EP300: variants seen among roughly 807,000 people sequenced by gnomAD.
EP300 encodes the protein EP300 lysine acetyltransferase.
In EP300, 31 loss-of-function variants were observed where a neutral mutation model predicts 264.0. The ratio of observed to expected loss-of-function variants is 0.12; its 90% CI spans 0.09 to 0.16. The LOEUF is 0.16. Ranked by LOEUF, EP300 falls within the 10% of genes least tolerant of loss-of-function variation. The probability of loss-of-function intolerance (pLI) is 1.00; values close to 1 mark genes in which losing one functional copy is unlikely to be tolerated. For missense variants in EP300, 2,766 were observed against 3,052.9 expected (o/e 0.91, Z 2.21); for synonymous variants, 1,340 against 1,045.4 (o/e 1.28, Z -5.44).
intron 8 of EP300, among the ~76,000 whole-genome samples, chr22:41,138,140 T>C (rs1357208157): frequency 2.6e-5 from 4 of 152,174 alleles, no homozygotes; most frequent in Non-Finnish European, 4.4e-5. Context: ...GATAACATCC[T>C]TTTCTGTTAC....
chr22:41,160,419 C>CAAA (rs35492332), intron 19 of EP300: 264 of 377,380 alleles, frequency 7.0e-4, no homozygotes, highest in South Asian at 5.1e-3. Flanking sequence ...GCTTTGATTG[C>CAAA]AAAAAAAAAA....
intron 1 of EP300, among the ~76,000 whole-genome samples, chr22:41,097,671 T>A (rs1194380109): frequency 6.6e-6 from 1 of 152,230 alleles, no homozygotes; most frequent in African/African-American, 2.4e-5. Flanking sequence ...GCTAGTTTTA[T>A]GTTTGTCCAG....
At chr22:41,158,355 C>A in intron 18 of EP300, 57 bp from the exon 19 acceptor site, 1 of 1,415,278 alleles carries the variant, frequency 7.1e-7, no homozygotes, top group Non-Finnish European at 1.0e-6. Flanking sequence ...GCCATTCTTA[C>A]TGTTCTAGCT....
Position 41,137,649 on chromosome 22 carries a change from G to T in EP300, c.1623-4G>T, listed in dbSNP as rs776364780. ...TAAAACTATTTGGTGACCCCTTTTT[G>T]AAGCCCAATGATGAGTGAAAATGCC... On this transcript the variant is annotated splice_region_variant and splice_polypyrimidine_tract_variant and intron_variant, in intron 7 of 30. Transcript: ENST00000263253. 6.2e-7 allele frequency: 1 copy of T among 1,611,798 alleles called. No homozygotes were observed. The highest frequency in any genetic ancestry group is 8.5e-7 in the Non-Finnish European group (1 of 1,179,368).
chr22:41,126,761 T>TTTTTTTTTTTTG (rs2058885138), intron 3 of EP300, among the ~76,000 whole-genome samples: 1 of 110,666 alleles, frequency 9.0e-6, no homozygotes, highest in African/African-American at 3.5e-5. Context: ...TTTTTTTTTT[T>TTTTTTTTTTTTG]GAGACGGAGT....
intron 2 of EP300, among the ~76,000 whole-genome samples, chr22:41,125,163 G>GGCT (rs2058874181): frequency 7.2e-6 from 1 of 139,730 alleles, no homozygotes; most frequent in Non-Finnish European, 1.5e-5. Context: ...CTGTCGCCCA[G>GGCT]GCTGGAGTGC....
rs1189099611 is a variant in EP300 at position 41,177,446 on chromosome 22, A to C, written c.5735A>C (p.Gln1912Pro). 3 of 1,614,074 alleles carry C rather than the reference A, an allele frequency of 1.9e-6. No individual in the cohort carries two copies. The highest frequency in any genetic ancestry group is 1.7e-6 in the Non-Finnish European group (2 of 1,180,004). ...CAGGTGACCCCTCCAACCCCTCCTCAGACTGCTCAGCCACCCCTTCCAGGG... is the reference window on the plus strand; with the variant it reads ...CAGGTGACCCCTCCAACCCCTCCTCCGACTGCTCAGCCACCCCTTCCAGGG... ...AGQVTPPTPPQTAQPPLPGPP... is the reference protein window; with the variant it reads ...AGQVTPPTPPPTAQPPLPGPP... The change falls in exon 31 of 31, where the codon CAG becomes CCG. Residue 1912 changes from glutamine (Q) to proline (P), a missense_variant. Gln to Pro is a moderately conservative substitution (Grantham distance 76). Coordinates refer to ENST00000263253, the MANE Select transcript of EP300 (RefSeq NM_001429.4).
rs779792116 is a variant in EP300 at position 41,160,668 on chromosome 22, A to G, written c.3617A>G (p.Asn1206Ser). Reference sequence around the variant, plus strand: ...TATCATTTCTGTGAGAAGTGTTTCAATGAGATCCAAGGGGAGAGCGTTTCT... The same window carrying G: ...TATCATTTCTGTGAGAAGTGTTTCAGTGAGATCCAAGGGGAGAGCGTTTCT... The part of the protein sequence containing the change: ...NRYHFCEKCF[N>S]EIQGESVSLG... Residue 1206 changes from asparagine to serine, a missense_variant, in exon 20 of 31, where the codon AAT (asparagine) becomes AGT (serine). By Grantham distance (46) the Asn-to-Ser change is conservative. Coordinates refer to ENST00000263253, the MANE Select transcript of EP300 (RefSeq NM_001429.4). 26 of 1,613,986 alleles carry G rather than the reference A, an allele frequency of 1.6e-5. 1 individual carries two copies. Among genetic ancestry groups the G allele is most frequent in the African/African-American group, 9.3e-5 (7 of 74,914 alleles).
intron 1 of EP300, among the ~76,000 whole-genome samples, chr22:41,102,014 G>C (rs957862541): frequency 1.4e-5 from 2 of 144,846 alleles, no homozygotes; most frequent in South Asian, 4.4e-4. Flanking sequence ...ATTTTCTGTT[G>C]CTTTTTTTTC....
In EP300 at chr22:41,131,407, C is replaced by T. The variant is rs199901345; in HGVS notation, c.1302C>T (p.Pro434=). ...CTCTAGCAATTTTGACTGGAGCACC[C>T]GTTGGACTTGGAAATCCTAGCTCTC... ...RNQQPILTGA[P]VGLGNPSSLG... Residue 434 remains proline, a synonymous_variant, in exon 6 of 31, where the codon CCC becomes CCT. Coordinates refer to ENST00000263253, the MANE Select transcript of EP300 (RefSeq NM_001429.4). 132 of 1,613,870 alleles carry T rather than the reference C, an allele frequency of 8.2e-5. No homozygotes were observed. Among genetic ancestry groups the T allele is most frequent in the Middle Eastern group, 1.7e-4 (1 of 6,020 alleles).
intron 2 of EP300, among the ~76,000 whole-genome samples, chr22:41,121,170 A>C (rs2058850222): frequency 6.6e-6 from 1 of 152,010 alleles, no homozygotes; most frequent in Admixed American, 6.6e-5. Flanking sequence ...TTTTTTTTCA[A>C]AAAAGAAAGA....
Position 41,141,166 on chromosome 22 carries a change from C to A in EP300, c.1997C>A (p.Pro666Gln). 1.2e-6 allele frequency: 2 copies of A among 1,614,174 alleles called. No homozygotes were observed. The highest frequency in any genetic ancestry group is 1.7e-6 in the Non-Finnish European group (2 of 1,180,040). Residue 666 changes from proline to glutamine, a missense_variant, in exon 10 of 31, where the codon CCA (proline) becomes CAA (glutamine). Pro to Gln is a moderately conservative substitution (Grantham distance 76). Coordinates refer to ENST00000263253, the MANE Select transcript of EP300 (RefSeq NM_001429.4). ...NMLPNAAGMV[P>Q]VSMNPGPNMG... The stretch of plus-strand genomic sequence containing the variant: ...CTACCAAATGCTGCAGGCATGGTTC[C>A]AGTTTCCATGAATCCAGGGCCTAAC...
chr22:41,169,315 A>G (rs1332202351), intron 25 of EP300, 188 bp from the exon 26 acceptor site: 4 of 610,398 alleles, frequency 6.6e-6, no homozygotes, highest in African/African-American at 1.9e-5. Context: ...GAAGGAAACC[A>G]CAGGCTCACT....
Position 41,117,927 on chromosome 22 carries a change from C to T in EP300, c.729+106C>T, listed in dbSNP as rs2145698058. 23 of 1,548,364 alleles carry T rather than the reference C, an allele frequency of 1.5e-5. No homozygotes were observed. In the South Asian group the frequency reaches 2.6e-4, roughly 17 times the overall value. On this transcript the variant is annotated intron_variant, in intron 2 of 30. Transcript: ENST00000263253. Reference sequence around the variant, plus strand: ...GTATAGCAGTTTCCACTATTACACGCCAGGAATTTACTGTGCTGTCATAAG... The same window carrying T: ...GTATAGCAGTTTCCACTATTACACGTCAGGAATTTACTGTGCTGTCATAAG...
intron 29 of EP300, among the ~76,000 whole-genome samples, chr22:41,175,256 A>G (rs980898877): frequency 1.8e-5 from 2 of 111,358 alleles, no homozygotes; most frequent in African/African-American, 6.5e-5. Flanking sequence ...AGAAGCAGCG[A>G]ACATTGCTGG....
chr22:41,110,835 C>G (rs994352455), intron 1 of EP300, among the ~76,000 whole-genome samples: 2 of 151,930 alleles, frequency 1.3e-5, no homozygotes, highest in African/African-American at 4.8e-5. Flanking sequence ...TAGATCAGTA[C>G]TGGGGAATGA....
In EP300 at chr22:41,161,546, G is replaced by C. The variant is rs564617676; in HGVS notation, c.3671+824G>C. ...GCAGGAGAACGGCGTGAACCCGGGA[G>C]GTGGAGCTTGCAGTGAGCTGAGATT... On this transcript the variant is annotated intron_variant, in intron 20 of 30. Coordinates refer to ENST00000263253, the MANE Select transcript of EP300 (RefSeq NM_001429.4). 9.2e-5 allele frequency among the ~76,000 whole-genome samples: 14 copies of C among 152,320 alleles called. No individual in the cohort carries two copies. The South Asian group carries it at 2.9e-3, about 32-fold the overall frequency.
intron 7 of EP300, among the ~76,000 whole-genome samples, chr22:41,136,594 G>A (rs967684672): frequency 6.6e-6 from 1 of 152,132 alleles, no homozygotes; most frequent in South Asian, 2.1e-4. Context: ...CTGGGAGGTC[G>A]AGGCTCTGGT....
chr22:41,129,397 T>G (rs1196518175), intron 4 of EP300, among the ~76,000 whole-genome samples: 1 of 152,238 alleles, frequency 6.6e-6, no homozygotes, highest in Non-Finnish European at 1.5e-5. Context: ...GTGATCCTCA[T>G]AGACTTTGAT....
Sources: gnomAD v4.1 joint callset for allele counts (sites outside exome capture counted in the v4.1 genomes callset) on GRCh38, gnomAD v4.1.1 for gene constraint, MANE v1.5 for transcripts, NCBI Gene and HGNC (gene_info 2026-07-23, HGNC 2026-07-21) for gene names.